UHRF1: variants seen among roughly 807,000 people sequenced by gnomAD.
UHRF1 encodes ubiquitin like with PHD and ring finger domains 1.
A neutral mutation model predicts 96.5 loss-of-function variants in UHRF1; 9 were observed. The observed-to-expected ratio is 0.09, with a 90% CI of 0.06 to 0.16. The LOEUF (loss-of-function observed/expected upper bound fraction) is 0.16, where lower values mean the gene tolerates loss of function less well. UHRF1 is among the 10% of genes least tolerant of loss of function. UHRF1 has a pLI of 1.00. For synonymous variants in UHRF1, 455 were observed against 469.9 expected (o/e 0.97, Z 0.41); for missense variants, 626 against 1,131.1 (o/e 0.55, Z 6.40).
At chr19:4,949,670 C>T (rs2033665293) in intron 11 of UHRF1, among the ~76,000 whole-genome samples, 1 of 151,848 alleles carries the variant, frequency 6.6e-6, no homozygotes, top group Non-Finnish European at 1.5e-5. Context: ...ATTAAAATTA[C>T]AAAAAAGAAT....
At chr19:4,938,730 G>GTTTTTTTT (rs71170880) in intron 5 of UHRF1, among the ~76,000 whole-genome samples, 1,210 of 61,550 alleles carry the variant, frequency 0.02, 177 homozygotes, top group Non-Finnish European at 0.025. Flanking sequence ...TTTTGGTCAG[G>GTTTTTTTT]TTTTTTTTTT....
At position 4,910,912 on chromosome 19, in the gene UHRF1, C is replaced by T. The variant is rs2261986; in HGVS notation, c.27C>T (p.Asp9=). 0.34 allele frequency: 544,065 copies of T among 1,611,324 alleles called. 94,924 individuals are homozygous for T. The highest frequency in any genetic ancestry group is 0.48 in the African/African-American group (36,074 of 74,836). The change falls in exon 2 of 17, where the codon GAC becomes GAT. Residue 9 remains aspartate, a synonymous_variant. Coordinates refer to ENST00000650932, the MANE Select transcript of UHRF1 (RefSeq NM_001048201.3). MWIQVRTM[D]GRQTHTVDSL... ...TGTGGATCCAGGTTCGGACCATGGA[C>T]GGGAGGCAGACCCACACGGTGGACT...
chr19:4,948,967 C>CAAAAAAAAAAA lies in UHRF1; in HGVS notation c.1518-1633_1518-1623dup, dbSNP rs55757803. On this transcript the variant is annotated intron_variant, in intron 11 of 16. Transcript: ENST00000650932. Reference sequence around the variant, plus strand: ...TGAAACCCCATCTCTACTAAGAATACAAAAAAAAAAAAAAAAAAAAAGCCT... The same window carrying CAAAAAAAAAAA: ...TGAAACCCCATCTCTACTAAGAATACAAAAAAAAAAAAAAAAAAAAAAAAAAAAAAAAGCCT... 9.2e-4 allele frequency among the ~76,000 whole-genome samples: 47 copies of CAAAAAAAAAAA among 51,062 alleles called. 1 individual carries two copies. The highest frequency in any genetic ancestry group is 1.5e-3 in the African/African-American group (22 of 14,738). The allele number at this position is 51,062 out of a possible 152,430, so 33.5% of individuals were successfully genotyped here.
intron 2 of UHRF1, among the ~76,000 whole-genome samples, chr19:4,927,225 C>T (rs540631838): frequency 6.6e-6 from 1 of 151,550 alleles, no homozygotes; most frequent in African/African-American, 2.4e-5. Context: ...ACTAAAAATA[C>T]AAAAATTAGC....
upstream of UHRF1, chr19:4,909,426 G>A (rs1428793887): frequency 3.4e-5 from 22 of 651,060 alleles, no homozygotes; most frequent in Non-Finnish European, 1.7e-5. Context: ...CAATCAGGAG[G>A]CAGGCGCCCG....
At chr19:4,920,325 G>A (rs572224119) in intron 2 of UHRF1, among the ~76,000 whole-genome samples, 6 of 152,158 alleles carry the variant, frequency 3.9e-5, no homozygotes, top group South Asian at 2.1e-4. Flanking sequence ...TCAGCCATTC[G>A]GGAGGCTGAG....
rs955807717 is a variant in UHRF1, at chr19:4,954,621, C to T, written c.1958-29C>T. On this transcript the variant is annotated intron_variant, in intron 14 of 16. Transcript: ENST00000650932. The surrounding 1 kb of genome is among the most constrained non-coding windows in gnomAD (Gnocchi z 5.9). ...TCTCCGGCAGCTCGGGCCACGCGCCCCTCCCTCACGCGCCCCACCCTCTTC... is the reference window on the plus strand; with the variant it reads ...TCTCCGGCAGCTCGGGCCACGCGCCTCTCCCTCACGCGCCCCACCCTCTTC... The T allele has an allele frequency of 5.0e-6, 8 of 1,608,032 alleles. No individual in the cohort carries two copies. In the Admixed American group the frequency reaches 5.1e-5, roughly 10 times the overall value.
intron 3 of UHRF1, 60 bp downstream of exon 3, chr19:4,929,536 T>C (rs949991745): frequency 3.8e-6 from 6 of 1,565,292 alleles, no homozygotes; most frequent in Non-Finnish European, 5.2e-6. Context: ...TTCTGGTCTT[T>C]GCATACCCAG....
chr19:4,940,874 T>C (rs1599279555), intron 5 of UHRF1, among the ~76,000 whole-genome samples: 1 of 151,848 alleles, frequency 6.6e-6, no homozygotes, highest in Admixed American at 6.6e-5. Flanking sequence ...GGTTTTACCA[T>C]GTTGGCCAGG....
At chr19:4,918,860 A>G (rs920114646) in intron 2 of UHRF1, among the ~76,000 whole-genome samples, 2 of 151,268 alleles carry the variant, frequency 1.3e-5, no homozygotes, top group African/African-American at 2.4e-5. Context: ...AGCAGGGACT[A>G]TAGGCTGTAT....
At chr19:4,939,381 CT>C (rs11401601) in intron 5 of UHRF1, among the ~76,000 whole-genome samples, 2 of 150,334 alleles carry the variant, frequency 1.3e-5, no homozygotes, top group African/African-American at 4.9e-5. Flanking sequence ...GTTTTTCTTT[CT>C]TTTTTTTTGA....
At chr19:4,926,197 A>G (rs949452710) in intron 2 of UHRF1, among the ~76,000 whole-genome samples, 5 of 152,070 alleles carry the variant, frequency 3.3e-5, no homozygotes, top group Non-Finnish European at 5.9e-5. Context: ...CCCAGCCTCA[A>G]TCCCCTCACC....
chr19:4,931,334 C>T (rs1599264599), intron 4 of UHRF1, among the ~76,000 whole-genome samples: 3 of 152,234 alleles, frequency 2.0e-5, no homozygotes, highest in African/African-American at 7.2e-5. Context: ...TAAACACGGA[C>T]ATTGGTTGAC....
In UHRF1 at chr19:4,954,928, A is replaced by G. The variant is rs2033817450; in HGVS notation, c.2130+106A>G. 7.2e-7 allele frequency: 1 copy of G among 1,388,840 alleles called. No individual in the cohort carries two copies. The highest frequency in any genetic ancestry group is 1.3e-5 in the South Asian group (1 of 76,316). 86.0% of individuals were successfully genotyped at this position (1,388,840 alleles called of 1,614,324 possible). A position where few individuals can be genotyped will look rare whatever the true frequency, so the allele number is the denominator to read the frequency against. On this transcript the variant is annotated intron_variant, in intron 15 of 16. Transcript: ENST00000650932. This position sits in a 1 kb window ranked among gnomAD's most constrained non-coding sequence, Gnocchi z 5.9. Reference sequence around the variant, plus strand: ...ATTTTCAAGTGTACAGCTCAGTCGCACTGAGTACATTCTTGTGGTTGTGCA... The same window carrying G: ...ATTTTCAAGTGTACAGCTCAGTCGCGCTGAGTACATTCTTGTGGTTGTGCA...
intron 7 of UHRF1, among the ~76,000 whole-genome samples, chr19:4,942,847 C>G (rs949065787): frequency 6.6e-6 from 1 of 152,136 alleles, no homozygotes; most frequent in Non-Finnish European, 1.5e-5. Flanking sequence ...GTAAGAGGAT[C>G]GGATCGCTGG....
chr19:4,910,779 CA>C (rs2032237192), intron 1 of UHRF1, 96 bp from the exon 2 acceptor site: 2 of 1,434,132 alleles, frequency 1.4e-6, no homozygotes, highest in Admixed American at 4.5e-5. Flanking sequence ...TCCTGGTGTC[CA>C]CAGGCCGGAC....
In UHRF1 at chr19:4,942,388, C is replaced by T. The variant is rs987740590; in HGVS notation, c.1073+457C>T. Among the ~76,000 whole-genome samples the T allele has an allele frequency of 4.0e-5, 6 of 151,346 alleles. 1 individual carries two copies. Among genetic ancestry groups the T allele is most frequent in the African/African-American group, 1.5e-4 (6 of 41,120 alleles). On this transcript the variant is annotated intron_variant, in intron 7 of 16. Transcript: ENST00000650932. ...TGTATTTTTAGTAGAGATGGGGTTT[C>T]ACCTTGTTAGCCAGGATGTTCTTGA...
chr19:4,933,435 C>T (rs527990844), intron 5 of UHRF1, among the ~76,000 whole-genome samples: 4 of 152,260 alleles, frequency 2.6e-5, no homozygotes, highest in African/African-American at 4.8e-5. Context: ...AGGATGGTCT[C>T]GATCTCCTGA....
upstream of UHRF1, among the ~76,000 whole-genome samples, chr19:4,905,053 A>G (rs1402853696): frequency 1.4e-5 from 2 of 146,048 alleles, no homozygotes; most frequent in African/African-American, 5.0e-5. Flanking sequence ...CCCCTGACCC[A>G]CGGGCCACAT....
Sources: allele counts gnomAD v4.1 joint callset (sites outside exome capture counted in the v4.1 genomes callset), GRCh38; gene constraint gnomAD v4.1.1; non-coding constraint Gnocchi (gnomAD v3.1); transcripts MANE v1.5; gene names NCBI Gene and HGNC (gene_info 2026-07-23, HGNC 2026-07-21).